GDF11: variants seen among roughly 807,000 people sequenced by gnomAD.
GDF11 encodes the protein growth differentiation factor 11, also known as growth/differentiation factor 11.
GDF11 carries 12 observed loss-of-function variants against 34.4 expected under a neutral mutation model. That is an observed-to-expected ratio of 0.35 (90% CI 0.22 to 0.57). The LOEUF (loss-of-function observed/expected upper bound fraction) is 0.57, where lower values mean the gene tolerates loss of function less well. GDF11 is among the 20% of genes least tolerant of loss of function. The pLI, the probability that GDF11 is intolerant of heterozygous loss-of-function variation, is 0.86. For missense variants in GDF11, 346 were observed against 548.2 expected, an observed-to-expected ratio of 0.63 and a Z score of 3.68; for synonymous variants, 212 against 231.1, an observed-to-expected ratio of 0.92 and a Z score of 0.75.
chr12:55,744,351 C>G (rs1341421084), intron 1 of GDF11, among the ~76,000 whole-genome samples: 1 of 152,168 alleles, frequency 6.6e-6, no homozygotes, highest in East Asian at 1.9e-4. Context: ...CCCAAGGGGT[C>G]GGAAAAGCTG....
At chr12:55,743,885 G>A in intron 1 of GDF11, 124 bp downstream of exon 1, 2 of 741,752 alleles carry the variant, frequency 2.7e-6, no homozygotes, top group Non-Finnish European at 4.2e-6. Context: ...AAAACTTGAC[G>A]AATTAGGGAG....
intron 1 of GDF11, among the ~76,000 whole-genome samples, chr12:55,744,531 G>A (rs2136165134): frequency 6.6e-6 from 1 of 152,270 alleles, no homozygotes; most frequent in Middle Eastern, 3.4e-3. Flanking sequence ...GTAGTAGATG[G>A]GGGAGCAGGA....
Position 55,754,554 on chromosome 12 carries a change from T to C in GDF11, c.*4672T>C, listed in dbSNP as rs1878442835. On this transcript the variant is annotated 3_prime_UTR_variant, in exon 3 of 3. Transcript: ENST00000257868. ...TTTCTGCCTTTTCTTTTTCTCAAAA[T>C]ACGACTGCATTAACTGGGTGTATGC... 1 of 152,238 alleles carries C rather than the reference T, an allele frequency of 6.6e-6. No individual in the cohort carries two copies. Among genetic ancestry groups the C allele is most frequent in the African/African-American group, 2.4e-5 (1 of 41,460 alleles). The allele number at this position is 152,238 out of a possible 1,614,324, so 9.4% of individuals were successfully genotyped here. A position where few individuals can be genotyped will look rare whatever the true frequency, so the allele number is the denominator to read the frequency against.
In GDF11 at chr12:55,749,000, A is replaced by G; in HGVS notation, c.843+17A>G. Reference sequence around the variant, plus strand: ...GAGGGGCTGGTGAGCAGGGGGCCTGAGGTGGTGGATATGTGTAACCTGGCC... The same window carrying G: ...GAGGGGCTGGTGAGCAGGGGGCCTGGGGTGGTGGATATGTGTAACCTGGCC... On this transcript the variant is annotated intron_variant, in intron 2 of 2. Coordinates refer to ENST00000257868, the MANE Select transcript of GDF11 (RefSeq NM_005811.5). This position sits in a 1 kb window ranked among gnomAD's most constrained non-coding sequence, Gnocchi z 5.6. 6.3e-7 allele frequency: 1 copy of G among 1,585,004 alleles called. No individual in the cohort carries two copies.
In GDF11 at chr12:55,749,024, C is replaced by A; in HGVS notation, c.843+41C>A. The A allele has an allele frequency of 6.5e-7, 1 of 1,538,424 alleles. No homozygotes were observed. Among genetic ancestry groups the A allele is most frequent in the South Asian group, 1.2e-5 (1 of 82,694 alleles). On this transcript the variant is annotated intron_variant, in intron 2 of 2. Coordinates refer to ENST00000257868, the MANE Select transcript of GDF11 (RefSeq NM_005811.5). The surrounding 1 kb of genome is among the most constrained non-coding windows in gnomAD (Gnocchi z 5.6). ...GAGGTGGTGGATATGTGTAACCTGG[C>A]CCTGAGGAGATAGGGTTACATTGGA...
intron 1 of GDF11, among the ~76,000 whole-genome samples, chr12:55,746,683 ATAG>A (rs1474841051): frequency 6.6e-6 from 1 of 152,242 alleles, no homozygotes; most frequent in Admixed American, 6.5e-5. Context: ...GAATGCGAAA[ATAG>A]TAGTAGCTTC....
At position 55,748,854 on chromosome 12, in the gene GDF11, C is replaced by T. The variant is rs1169517402; in HGVS notation, c.714C>T (p.Ile238=). ...LHSRSGHWQS[I]DFKQVLHSWF... Reference sequence around the variant, plus strand: ...CACGCTCAGGCCATTGGCAGAGCATCGACTTCAAGCAAGTGCTACACAGCT... The same window carrying T: ...CACGCTCAGGCCATTGGCAGAGCATTGACTTCAAGCAAGTGCTACACAGCT... The change falls in exon 2 of 3, where the codon ATC becomes ATT. Residue 238 remains isoleucine (I), a synonymous_variant. Coordinates refer to ENST00000257868, the MANE Select transcript of GDF11 (RefSeq NM_005811.5). This position sits in a 1 kb window ranked among gnomAD's most constrained non-coding sequence, Gnocchi z 5.6. 7.4e-6 allele frequency: 12 copies of T among 1,613,546 alleles called. No homozygotes were observed. Among genetic ancestry groups the T allele is most frequent in the Non-Finnish European group, 9.3e-6 (11 of 1,179,976 alleles).
In GDF11 at chr12:55,754,964, T is replaced by G. The variant is rs1011850637; in HGVS notation, c.*5082T>G. 1 of 152,130 alleles carries G rather than the reference T, an allele frequency of 6.6e-6. No individual in the cohort carries two copies. The highest frequency in any genetic ancestry group is 2.4e-5 in the African/African-American group (1 of 41,420). The allele number at this position is 152,130 out of a possible 1,614,324, so 9.4% of individuals were successfully genotyped here. ...ACAGGAATAACATAAGGGAAAGAGATAACAAGAAAGTTAGGGACACCTTGG... is the reference window on the plus strand; with the variant it reads ...ACAGGAATAACATAAGGGAAAGAGAGAACAAGAAAGTTAGGGACACCTTGG... On this transcript the variant is annotated 3_prime_UTR_variant, in exon 3 of 3. Transcript: ENST00000257868.
At chr12:55,747,303 A>G (rs778998098) in intron 1 of GDF11, among the ~76,000 whole-genome samples, 1 of 151,782 alleles carries the variant, frequency 6.6e-6, no homozygotes, top group Admixed American at 6.6e-5. Context: ...AAAAAGCTAT[A>G]GAGACTTTGG....
In GDF11 at chr12:55,755,092, T is replaced by C. The variant is rs114246202; in HGVS notation, c.*5210T>C. 1 of 152,126 alleles carries C rather than the reference T, an allele frequency of 6.6e-6. No homozygotes were observed. The highest frequency in any genetic ancestry group is 2.4e-5 in the African/African-American group (1 of 41,426). The allele number at this position is 152,126 out of a possible 1,614,324, so 9.4% of individuals were successfully genotyped here. A position where few individuals can be genotyped will look rare whatever the true frequency, so the allele number is the denominator to read the frequency against. ...TGGCAAGAGAAGGGGAGGTTAAATT[T>C]TGGGGGGATTCCAATAATCAGAAAT... is the stretch of plus-strand genomic sequence containing the variant. On this transcript the variant is annotated 3_prime_UTR_variant, in exon 3 of 3. Transcript: ENST00000257868.
Position 55,754,480 on chromosome 12 carries a change from G to A in GDF11, c.*4598G>A, listed in dbSNP as rs1878439912. On this transcript the variant is annotated 3_prime_UTR_variant, in exon 3 of 3. Coordinates refer to ENST00000257868, the MANE Select transcript of GDF11 (RefSeq NM_005811.5). ...AAAATCAATGCTCCAAAGCAACAAT[G>A]TCCAGCTTTCCTGCCAGTGAGCTGG... 6.6e-6 allele frequency: 1 copy of A among 152,214 alleles called. No individual in the cohort carries two copies. Among genetic ancestry groups the A allele is most frequent in the African/African-American group, 2.4e-5 (1 of 41,442 alleles). 9.4% of individuals were successfully genotyped at this position (152,214 alleles called of 1,614,324 possible). A position where few individuals can be genotyped will look rare whatever the true frequency, so the allele number is the denominator to read the frequency against.
Position 55,756,078 on chromosome 12 carries a change from G to C in GDF11, c.*6196G>C, listed in dbSNP as rs1249925947. On this transcript the variant is annotated 3_prime_UTR_variant, in exon 3 of 3. Transcript: ENST00000257868. ...CTATAATCTCTCAAGTTACAAATCA[G>C]ATCTATTCTGTTTTCAGATGAAGGC... 6.6e-6 allele frequency: 1 copy of C among 152,168 alleles called. No homozygotes were observed. The highest frequency in any genetic ancestry group is 2.4e-5 in the African/African-American group (1 of 41,430). The allele number at this position is 152,168 out of a possible 1,614,324, so 9.4% of individuals were successfully genotyped here.
rs1434295369 is a variant in GDF11 at position 55,749,134 on chromosome 12, G to A, written c.843+151G>A. On this transcript the variant is annotated intron_variant, in intron 2 of 2. Coordinates refer to ENST00000257868, the MANE Select transcript of GDF11 (RefSeq NM_005811.5). This position sits in a 1 kb window ranked among gnomAD's most constrained non-coding sequence, Gnocchi z 5.6. The stretch of plus-strand genomic sequence containing the variant: ...AGCTGATTCTAGAGGAGGAGGTGAG[G>A]AGTGGGGTGGCAACTATTACTTCTC... The A allele has an allele frequency of 3.8e-6, 3 of 798,632 alleles. No individual in the cohort carries two copies. The highest frequency in any genetic ancestry group is 3.5e-5 in the African/African-American group (2 of 57,506). The allele number at this position is 798,632 out of a possible 1,614,324, so 49.5% of individuals were successfully genotyped here.
rs1878486265 is a variant in GDF11, at chr12:55,755,732, T to C, written c.*5850T>C. On this transcript the variant is annotated 3_prime_UTR_variant, in exon 3 of 3. Transcript: ENST00000257868. ...GGGAGGACTTCATCTGGCTTGGAGG[T>C]TAGAGACTTCTGACCAACATAGGAA... The C allele has an allele frequency of 6.6e-6, 1 of 151,896 alleles. No individual in the cohort carries two copies. The highest frequency in any genetic ancestry group is 1.5e-5 in the Non-Finnish European group (1 of 67,988). The allele number at this position is 151,896 out of a possible 1,614,324, so 9.4% of individuals were successfully genotyped here. A position where few individuals can be genotyped will look rare whatever the true frequency, so the allele number is the denominator to read the frequency against.
At position 55,743,400 on chromosome 12, in the gene GDF11, C is replaced by CGCG. The variant is rs759951553; in HGVS notation, c.114_116dup (p.Ala41dup). The CGCG allele has an allele frequency of 1.7e-3, 1,726 of 992,768 alleles. 23 individuals are homozygous for CGCG. In the East Asian group the frequency reaches 0.062, roughly 35 times the overall value. 61.5% of individuals were successfully genotyped at this position (992,768 alleles called of 1,614,324 possible). On this transcript the variant is annotated inframe_insertion, in exon 1 of 3. Coordinates refer to ENST00000257868, the MANE Select transcript of GDF11 (RefSeq NM_005811.5). ...CCCGGGGGGAGGCGGCCGAGGGCCC[C>CGCG]GCGGCGGCGGCGGCGGCGGCGGCGG...
rs759951553 is a variant in GDF11 at position 55,743,400 on chromosome 12, CGCGGCG to C, written c.111_116del (p.Ala40_Ala41del). ...CCCGGGGGGAGGCGGCCGAGGGCCC[CGCGGCG>C]GCGGCGGCGGCGGCGGCGGCGGCGG... On this transcript the variant is annotated inframe_deletion, in exon 1 of 3. Transcript: ENST00000257868. 6.8e-5 allele frequency: 67 copies of C among 992,530 alleles called. No homozygotes were observed. The highest frequency in any genetic ancestry group is 2.1e-4 in the African/African-American group (12 of 56,670). 61.5% of individuals were successfully genotyped at this position (992,530 alleles called of 1,614,324 possible). A position where few individuals can be genotyped will look rare whatever the true frequency, so the allele number is the denominator to read the frequency against.
rs1878249289 is a variant in GDF11 at position 55,749,132 on chromosome 12, A to AGGT, written c.843+151_843+152insTGG. The stretch of plus-strand genomic sequence containing the variant: ...GCAGCTGATTCTAGAGGAGGAGGTG[A>AGGT]GGAGTGGGGTGGCAACTATTACTTC... On this transcript the variant is annotated intron_variant, in intron 2 of 2. Coordinates refer to ENST00000257868, the MANE Select transcript of GDF11 (RefSeq NM_005811.5). The surrounding 1 kb of genome is among the most constrained non-coding windows in gnomAD (Gnocchi z 5.6). The AGGT allele has an allele frequency of 1.2e-6, 1 of 818,996 alleles. No homozygotes were observed. Among genetic ancestry groups the AGGT allele is most frequent in the African/African-American group, 1.7e-5 (1 of 57,904 alleles). The allele number at this position is 818,996 out of a possible 1,614,324, so 50.7% of individuals were successfully genotyped here.
chr12:55,748,352 T>G lies in GDF11; in HGVS notation c.446-234T>G, dbSNP rs752833906. 8.5e-5 allele frequency among the ~76,000 whole-genome samples: 13 copies of G among 152,172 alleles called. No individual in the cohort carries two copies. The highest frequency in any genetic ancestry group is 1.8e-4 in the Non-Finnish European group (12 of 68,018). On this transcript the variant is annotated intron_variant, in intron 1 of 2. Coordinates refer to ENST00000257868, the MANE Select transcript of GDF11 (RefSeq NM_005811.5). The surrounding 1 kb of genome is among the most constrained non-coding windows in gnomAD (Gnocchi z 5.6). ...ATCTGGTAGACAGGAACCTATATAT[T>G]AGGGCAAATGGATTAGGAAATGGAC...
chr12:55,743,132 C>T lies in GDF11; in HGVS notation c.-185C>T, dbSNP rs1001242595. ...GGCTCGGGCCCCCCCAGCCGCCCGC[C>T]CCGGCCGCCCGCCCGCCCCGCCCGC... On this transcript the variant is annotated 5_prime_UTR_variant, in exon 1 of 3. Transcript: ENST00000257868. 1 of 145,452 alleles carries T rather than the reference C, an allele frequency of 6.9e-6. No individual in the cohort carries two copies. The highest frequency in any genetic ancestry group is 2.5e-5 in the African/African-American group (1 of 40,538). 9.0% of individuals were successfully genotyped at this position (145,452 alleles called of 1,614,324 possible).
Sources: gnomAD v4.1 joint callset for allele counts (sites outside exome capture counted in the v4.1 genomes callset) on GRCh38, gnomAD v4.1.1 for gene constraint, Gnocchi (gnomAD v3.1) non-coding constraint, MANE v1.5 for transcripts, NCBI Gene and HGNC (gene_info 2026-07-23, HGNC 2026-07-21) for gene names.